The following PDE4D variants were observed in gnomAD, a reference collection of about 807,000 sequenced individuals.
The protein encoded by PDE4D is phosphodiesterase 4D.
In PDE4D, 24 loss-of-function variants were observed where a neutral mutation model predicts 87.4. That is an observed-to-expected ratio of 0.27 (90% CI 0.20 to 0.39). The LOEUF (loss-of-function observed/expected upper bound fraction) is 0.39. Among genes scored for constraint, PDE4D ranks in the 10% least tolerant of loss-of-function variants. The pLI is 1.00. For missense variants in PDE4D, 714 were observed against 1,041.0 expected (o/e 0.69, Z 4.32); for synonymous variants, 384 against 383.2 (o/e 1.00, Z -0.02).
chr5:59,846,491 T>C (rs1168499697), intron 1 of PDE4D, among the ~76,000 whole-genome samples: 1 of 152,088 alleles, frequency 6.6e-6, no homozygotes, highest in African/African-American at 2.4e-5. Flanking sequence ...GGCCTTATCA[T>C]ATATGTTTTA....
At chr5:59,768,704 A>T in intron 1 of PDE4D, 1 of 1,341,132 alleles carries the variant, frequency 7.5e-7, no homozygotes, top group East Asian at 2.5e-5. Context: ...AAGCGTATTA[A>T]ACGTCACCCC....
chr5:59,248,030 C>T (rs1164380166), intron 1 of PDE4D, among the ~76,000 whole-genome samples: 1 of 100,990 alleles, frequency 9.9e-6, no homozygotes, highest in Middle Eastern at 7.6e-3. Context: ...TATTGGATAC[C>T]GTATCTATTA....
chr5:59,676,468 C>T (rs969435394), intron 1 of PDE4D, among the ~76,000 whole-genome samples: 1 of 152,066 alleles, frequency 6.6e-6, no homozygotes, highest in Non-Finnish European at 1.5e-5. Context: ...TTTTATGATA[C>T]AGATTAAACC....
chr5:59,031,387 ATATAT>A (rs1561347976), intron 6 of PDE4D, among the ~76,000 whole-genome samples: 4,565 of 71,218 alleles, frequency 0.064, 246 homozygotes, highest in African/African-American at 0.27. Context: ...ATATATATAT[ATATAT>A]TATATATATA....
intron 1 of PDE4D, among the ~76,000 whole-genome samples, chr5:59,881,346 T>C (rs936552803): frequency 6.6e-6 from 1 of 152,174 alleles, no homozygotes; most frequent in African/African-American, 2.4e-5. Context: ...TAGTATCTAA[T>C]GTCCTTATTA....
intron 1 of PDE4D, among the ~76,000 whole-genome samples, chr5:60,347,778 G>T (rs557256031): frequency 6.6e-6 from 1 of 152,008 alleles, no homozygotes; most frequent in Non-Finnish European, 1.5e-5. Flanking sequence ...ATAATTCCTT[G>T]CACACTGAGA....
chr5:59,357,989 T>C (rs992698856), intron 1 of PDE4D, among the ~76,000 whole-genome samples: 1 of 152,140 alleles, frequency 6.6e-6, no homozygotes, highest in African/African-American at 2.4e-5. Context: ...CTGGACAAAA[T>C]TGACCAAGAG....
intron 5 of PDE4D, among the ~76,000 whole-genome samples, chr5:59,166,046 C>T (rs1195209671): frequency 1.3e-5 from 2 of 152,172 alleles, no homozygotes; most frequent in Non-Finnish European, 2.9e-5. Flanking sequence ...CACTAATTCT[C>T]AGGGAATTCA....
chr5:59,559,805 G>C (rs1819638454), intron 1 of PDE4D, among the ~76,000 whole-genome samples: 1 of 152,142 alleles, frequency 6.6e-6, no homozygotes, highest in African/African-American at 2.4e-5. Context: ...GTTGTTGTCT[G>C]GAACGACATC....
At chr5:59,857,909 G>T (rs989411573) in intron 1 of PDE4D, among the ~76,000 whole-genome samples, 5 of 134,068 alleles carry the variant, frequency 3.7e-5, no homozygotes, top group Admixed American at 7.7e-5. Flanking sequence ...AAGAAGGAAG[G>T]GGGGAGGGAA....
intron 1 of PDE4D, among the ~76,000 whole-genome samples, chr5:59,357,929 A>T (rs1207827672): frequency 6.6e-6 from 1 of 152,164 alleles, no homozygotes; most frequent in African/African-American, 2.4e-5. Flanking sequence ...TCTTCAGGAT[A>T]AGATTAGAGA....
chr5:60,127,677 G>A, intron 2 of PDE4D: 3 of 593,494 alleles, frequency 5.1e-6, no homozygotes, highest in Non-Finnish European at 6.0e-6. Context: ...GTCGCAGTAA[G>A]CAGGCTGTGA....
At chr5:59,361,519 A>G (rs1179536779) in intron 1 of PDE4D, among the ~76,000 whole-genome samples, 2 of 152,174 alleles carry the variant, frequency 1.3e-5, no homozygotes, top group Non-Finnish European at 2.9e-5. Flanking sequence ...TTAGCTATTG[A>G]CTGGTGAGTG....
At chr5:59,694,393 T>C (rs1464658246) in intron 1 of PDE4D, among the ~76,000 whole-genome samples, 1 of 152,194 alleles carries the variant, frequency 6.6e-6, no homozygotes, top group East Asian at 1.9e-4. Flanking sequence ...CACTGCGCAG[T>C]GAGCCTCTGT....
At chr5:59,137,549 T>C (rs374530645) in intron 5 of PDE4D, among the ~76,000 whole-genome samples, 49 of 149,490 alleles carry the variant, frequency 3.3e-4, no homozygotes, top group African/African-American at 1.1e-3. Flanking sequence ...TTTCTTGAGA[T>C]GGAGTCTCGC....
intron 1 of PDE4D, among the ~76,000 whole-genome samples, chr5:59,291,807 C>T (rs1433336457): frequency 1.0e-4 from 14 of 140,694 alleles, no homozygotes; most frequent in African/African-American, 3.0e-4. Flanking sequence ...AACTATTTAA[C>T]CTGACCTTGT....
At chr5:59,003,849 C>T (rs1751023834) in intron 6 of PDE4D, among the ~76,000 whole-genome samples, 1 of 151,998 alleles carries the variant, frequency 6.6e-6, no homozygotes, top group African/African-American at 2.4e-5. Context: ...AAAGCAAAGG[C>T]CTCGAGGCAA....
At chr5:59,097,375 G>A (rs1769929885) in intron 5 of PDE4D, among the ~76,000 whole-genome samples, 1 of 152,194 alleles carries the variant, frequency 6.6e-6, no homozygotes, top group African/African-American at 2.4e-5. Flanking sequence ...CGAAGTTTCA[G>A]ACTAGTGCTG....
At chr5:59,893,873 C>T, upstream of PDE4D, 1 of 1,247,300 alleles carries the variant, frequency 8.0e-7, no homozygotes, top group Non-Finnish European at 1.0e-6. Flanking sequence ...CTCCCGGGCT[C>T]CCCAAGTCAC....
Sources: allele counts gnomAD v4.1 joint callset (sites outside exome capture counted in the v4.1 genomes callset), GRCh38; gene constraint gnomAD v4.1.1; transcripts MANE v1.5; gene names NCBI Gene and HGNC (gene_info 2026-07-23, HGNC 2026-07-21).